TSNARE1: variants seen among roughly 807,000 people sequenced by gnomAD.
TSNARE1 encodes t-SNARE domain-containing protein 1.
A neutral mutation model predicts 62.0 loss-of-function variants in TSNARE1; 49 were observed. That is an observed-to-expected ratio of 0.79 (90% CI 0.63 to 1.00). The LOEUF is 1.00. TSNARE1 is among the 50% of genes least tolerant of loss of function. The pLI, the probability that TSNARE1 is intolerant of heterozygous loss-of-function variation, is 0.00. For synonymous variants in TSNARE1, 328 were observed against 294.4 expected (o/e 1.11, Z -1.17); for missense variants, 755 against 700.1 (o/e 1.08, Z -0.88).
intron 2 of TSNARE1, among the ~76,000 whole-genome samples, chr8:142,352,848 G>A (rs564933785): frequency 3.8e-4 from 58 of 152,316 alleles, no homozygotes; most frequent in African/African-American, 9.1e-4. Flanking sequence ...GCAGGGGCCT[G>A]GGGGTCAGGC....
At chr8:142,355,172 G>A (rs988289426) in intron 1 of TSNARE1, among the ~76,000 whole-genome samples, 3 of 152,238 alleles carry the variant, frequency 2.0e-5, no homozygotes, top group Non-Finnish European at 2.9e-5. Flanking sequence ...GGCCCAGGCC[G>A]GGCTGAGAAC....
chr8:142,261,879 C>T (rs528592578), intron 12 of TSNARE1, among the ~76,000 whole-genome samples: 2 of 152,296 alleles, frequency 1.3e-5, no homozygotes, highest in South Asian at 4.1e-4. Context: ...CCAGCCAAGT[C>T]CAACCTGGGC....
intron 4 of TSNARE1, among the ~76,000 whole-genome samples, chr8:142,338,928 C>T (rs971847998): frequency 4.6e-5 from 7 of 152,076 alleles, no homozygotes; most frequent in East Asian, 3.9e-4. Flanking sequence ...ACTGGCCCTG[C>T]GGTGAGATGC....
intron 13 of TSNARE1, 62 bp downstream of exon 13, chr8:142,229,411 T>A (rs2130068862): frequency 7.6e-7 from 1 of 1,313,380 alleles, no homozygotes; most frequent in East Asian, 2.3e-5. Flanking sequence ...GGTGGATAGG[T>A]GAATGAATGG....
chr8:142,235,499 T>C (rs951408928), intron 12 of TSNARE1, among the ~76,000 whole-genome samples: 1 of 151,038 alleles, frequency 6.6e-6, no homozygotes, highest in Non-Finnish European at 1.5e-5. Flanking sequence ...ACACATGACG[T>C]TTCAGAAACA....
intron 4 of TSNARE1, among the ~76,000 whole-genome samples, chr8:142,338,224 C>A (rs1260175080): frequency 6.6e-6 from 1 of 152,234 alleles, no homozygotes; most frequent in Admixed American, 6.5e-5. Context: ...AGTGCTGCGT[C>A]CCCCCACGTC....
At chr8:142,312,291 T>C (rs2131567325) in intron 9 of TSNARE1, among the ~76,000 whole-genome samples, 1 of 152,346 alleles carries the variant, frequency 6.6e-6, no homozygotes, top group East Asian at 1.9e-4. Flanking sequence ...CACCTGTTGG[T>C]CAGTTTCTAC....
Position 142,290,213 on chromosome 8 carries a change from G to T in TSNARE1, c.1291-5728C>A, listed in dbSNP as rs896954575. Among the ~76,000 whole-genome samples the T allele has an allele frequency of 2.0e-5, 3 of 152,098 alleles. No individual in the cohort carries two copies. The East Asian group carries it at 5.8e-4, about 29-fold the overall frequency. On this transcript the variant is annotated intron_variant, in intron 10 of 13. Coordinates refer to ENST00000524325, the MANE Select transcript of TSNARE1 (RefSeq NM_145003.5). ...GAGAGGCCAAGGCCAGGCCTGAGAA[G>T]GGTGGGGCCTGCTCGAGGGGCTGGG...
chr8:142,398,742 G>A (rs1838076582), intron 1 of TSNARE1, among the ~76,000 whole-genome samples: 1 of 152,198 alleles, frequency 6.6e-6, no homozygotes, highest in Non-Finnish European at 1.5e-5. Context: ...CAGCCCTGAT[G>A]GCAGGGGCAG....
chr8:142,260,988 AGAGGGAGGGGGGTG>A (rs1818841261), intron 12 of TSNARE1, among the ~76,000 whole-genome samples: 1 of 1,658 alleles, frequency 6.0e-4, no homozygotes. Context: ...GAGGGAGGAG[AGAGGGAGGGGGGTG>A]GGGAGGGAGG....
chr8:142,361,515 G>A (rs1405433521), intron 1 of TSNARE1, among the ~76,000 whole-genome samples: 1 of 152,210 alleles, frequency 6.6e-6, no homozygotes, highest in African/African-American at 2.4e-5. Context: ...CCCACACCCA[G>A]ACGAGGGGCC....
chr8:142,327,662 T>A (rs1288988648), intron 6 of TSNARE1, among the ~76,000 whole-genome samples: 1 of 152,198 alleles, frequency 6.6e-6, no homozygotes, highest in Admixed American at 6.5e-5. Context: ...ACCGCACACA[T>A]GGATCATGGT....
rs1333231526 is a variant in TSNARE1 at position 142,284,464 on chromosome 8, G to C, written c.1312C>G (p.Gln438Glu). ...QMESNLLDVN[Q>E]IIKDLASMVS... Reference sequence around the variant, plus strand: ...ATGGAGGCCAAGTCCTTGATGATCTGATTCACATCCAGCAAGTTGCTCTGT... The same window carrying C: ...ATGGAGGCCAAGTCCTTGATGATCTCATTCACATCCAGCAAGTTGCTCTGT... Residue 438 changes from glutamine (Q) to glutamate (E), a missense_variant, in exon 11 of 14, where the codon CAG (glutamine) becomes GAG (glutamate). By Grantham distance (29) the Gln-to-Glu change is conservative. Transcript: ENST00000524325. The C allele has an allele frequency of 6.2e-6, 10 of 1,613,676 alleles. No individual in the cohort carries two copies. The highest frequency in any genetic ancestry group is 7.6e-6 in the Non-Finnish European group (9 of 1,179,974).
chr8:142,315,124 GAGGCTTGGCCCTGCCCCAGC>G (rs755130883), intron 7 of TSNARE1, 32 bp from the exon 8 acceptor site: 3 of 1,611,520 alleles, frequency 1.9e-6, no homozygotes, highest in Non-Finnish European at 2.5e-6. Flanking sequence ...CACGGCATGG[GAGGCTTGGCCCTGCCCCAGC>G]AGCCCCCACC....
At chr8:142,386,986 G>A (rs770559698) in intron 1 of TSNARE1, among the ~76,000 whole-genome samples, 15 of 152,096 alleles carry the variant, frequency 9.9e-5, no homozygotes, top group East Asian at 3.8e-4. Context: ...TCAAACTTCC[G>A]TAACCCAAAA....
Position 142,318,568 on chromosome 8 carries a change from G to C in TSNARE1, c.960C>G (p.Ala320=), listed in dbSNP as rs138142985. ...AASASSVKQM[A]ELLRSSCPQE... ...CCGGGCAGGAGCTGCGCAGCAGCTCGGCCATCTGCTTCACGGAGCTGGCGC... is the reference window on the plus strand; with the variant it reads ...CCGGGCAGGAGCTGCGCAGCAGCTCCGCCATCTGCTTCACGGAGCTGGCGC... The change falls in exon 7 of 14, where the codon GCC becomes GCG. Residue 320 remains alanine (A), a synonymous_variant. Transcript: ENST00000524325. 2 of 1,613,444 alleles carry C rather than the reference G, an allele frequency of 1.2e-6. No individual in the cohort carries two copies. Among genetic ancestry groups the C allele is most frequent in the South Asian group, 2.2e-5 (2 of 91,064 alleles).
At chr8:142,341,155 C>G (rs1832533668) in intron 4 of TSNARE1, among the ~76,000 whole-genome samples, 1 of 152,240 alleles carries the variant, frequency 6.6e-6, no homozygotes, top group African/African-American at 2.4e-5. Flanking sequence ...GCTCCACCCT[C>G]TCAGATGCAG....
chr8:142,275,946 T>C (rs1386400947), intron 11 of TSNARE1: 3 of 985,248 alleles, frequency 3.0e-6, no homozygotes, highest in African/African-American at 1.7e-5. Context: ...CAGGGAACTG[T>C]GGCCCCATCT....
At chr8:142,308,220 G>C (rs1190509005) in intron 9 of TSNARE1, among the ~76,000 whole-genome samples, 4 of 152,198 alleles carry the variant, frequency 2.6e-5, no homozygotes, top group Non-Finnish European at 4.4e-5. Flanking sequence ...TTTTAACAAA[G>C]TGTGTCGACC....
Sources: allele counts gnomAD v4.1 joint callset (sites outside exome capture counted in the v4.1 genomes callset), GRCh38; gene constraint gnomAD v4.1.1; transcripts MANE v1.5; gene names NCBI Gene and HGNC (gene_info 2026-07-23, HGNC 2026-07-21).